RBFOX1: variants seen among roughly 807,000 people sequenced by gnomAD.
RBFOX1 encodes RNA binding fox-1 homolog 1.
A neutral mutation model predicts 57.7 loss-of-function variants in RBFOX1; 8 were observed. The ratio of observed to expected loss-of-function variants is 0.14; its 90% CI spans 0.08 to 0.25. The LOEUF (loss-of-function observed/expected upper bound fraction) is 0.25. Ranked by LOEUF, RBFOX1 falls within the 10% of genes least tolerant of loss-of-function variation. The pLI is 1.00. For synonymous variants in RBFOX1, 326 were observed against 222.4 expected (o/e 1.47, Z -4.15); for missense variants, 611 against 548.5 (o/e 1.11, Z -1.14).
At chr16:5,752,571 A>G (rs2053248073) in intron 3 of RBFOX1, among the ~76,000 whole-genome samples, 1 of 152,210 alleles carries the variant, frequency 6.6e-6, no homozygotes, top group South Asian at 2.1e-4. Context: ...TTCATGGGCC[A>G]TAGGATCTTA....
At chr16:7,118,066 T>G (rs541565217) in intron 4 of RBFOX1, among the ~76,000 whole-genome samples, 2 of 152,298 alleles carry the variant, frequency 1.3e-5, no homozygotes, top group South Asian at 4.1e-4. Context: ...TTTTATACAG[T>G]GACTTGTATT....
chr16:6,803,582 GTAAAA>G (rs1372915711), intron 3 of RBFOX1, among the ~76,000 whole-genome samples: 1 of 152,116 alleles, frequency 6.6e-6, no homozygotes, highest in African/African-American at 2.4e-5. Context: ...ATGTATGGTG[GTAAAA>G]TAAAGTAACT....
At position 7,710,802 on chromosome 16, in the gene RBFOX1, G is replaced by A. The variant is rs775753239; in HGVS notation, c.*57G>A. 2 of 1,418,442 alleles carry A rather than the reference G, an allele frequency of 1.4e-6. No individual in the cohort carries two copies. The highest frequency in any genetic ancestry group is 3.0e-5 in the African/African-American group (2 of 66,538). The allele number at this position is 1,418,442 out of a possible 1,614,324, so 87.9% of individuals were successfully genotyped here. ...GGAGAAAGGAAGCTTTCCGAGGCCT[G>A]AGTATTGCAATACATGCAGTAGTAC... On this transcript the variant is annotated 3_prime_UTR_variant, in exon 16 of 16. Coordinates refer to ENST00000550418, the MANE Select transcript of RBFOX1 (RefSeq NM_018723.4).
intron 1 of RBFOX1, among the ~76,000 whole-genome samples, chr16:6,096,590 G>T (rs2096247669): frequency 2.0e-5 from 3 of 152,052 alleles, no homozygotes; most frequent in Non-Finnish European, 4.4e-5. Flanking sequence ...CTGGATCTTT[G>T]GTTTGGAAGT....
At chr16:7,236,210 T>C (rs1467743626) in intron 4 of RBFOX1, among the ~76,000 whole-genome samples, 3 of 152,194 alleles carry the variant, frequency 2.0e-5, no homozygotes, top group Non-Finnish European at 4.4e-5. Context: ...AAAGTAAATA[T>C]TCAAGAGTTA....
intron 4 of RBFOX1, among the ~76,000 whole-genome samples, chr16:7,312,875 C>T (rs191734887): frequency 1.3e-5 from 2 of 149,040 alleles, no homozygotes; most frequent in East Asian, 2.0e-4. Flanking sequence ...AAGTGTAGAT[C>T]GTCACCCAGG....
At chr16:6,922,421 T>C (rs1309248943) in intron 3 of RBFOX1, among the ~76,000 whole-genome samples, 3 of 152,362 alleles carry the variant, frequency 2.0e-5, no homozygotes, top group East Asian at 1.9e-4. Flanking sequence ...TTTTGCTCTC[T>C]GCAGTGAGCA....
At chr16:6,896,213 T>C (rs972585753) in intron 3 of RBFOX1, among the ~76,000 whole-genome samples, 9 of 152,158 alleles carry the variant, frequency 5.9e-5, no homozygotes, top group African/African-American at 2.2e-4. Flanking sequence ...GCGAAGGTTG[T>C]AGTGAGCAGA....
At chr16:6,956,906 A>T (rs1460819705) in intron 3 of RBFOX1, among the ~76,000 whole-genome samples, 1 of 152,118 alleles carries the variant, frequency 6.6e-6, no homozygotes, top group Admixed American at 6.5e-5. Flanking sequence ...TAGTTGTGTT[A>T]CCAGGAAGGG....
At chr16:7,010,105 G>A (rs1023929823) in intron 3 of RBFOX1, among the ~76,000 whole-genome samples, 1 of 152,202 alleles carries the variant, frequency 6.6e-6, no homozygotes, top group Admixed American at 6.5e-5. Context: ...TTGCCTAAGG[G>A]CATGAACTCT....
intron 4 of RBFOX1, among the ~76,000 whole-genome samples, chr16:7,274,161 C>A (rs904626679): frequency 6.6e-6 from 1 of 152,188 alleles, no homozygotes; most frequent in African/African-American, 2.4e-5. Flanking sequence ...AGGTTTCTCT[C>A]TGCGTTCTTT....
chr16:6,423,225 C>A (rs2093826145), intron 2 of RBFOX1, among the ~76,000 whole-genome samples: 1 of 152,200 alleles, frequency 6.6e-6, no homozygotes, highest in Admixed American at 6.5e-5. Context: ...ATCTGACCAA[C>A]ATTTTGTTCG....
chr16:5,878,612 G>A (rs986460641), intron 4 of RBFOX1, among the ~76,000 whole-genome samples: 7 of 152,108 alleles, frequency 4.6e-5, no homozygotes, highest in South Asian at 4.1e-4. Context: ...GAGAAACTTC[G>A]TGACTATGCC....
chr16:7,575,200 T>C (rs2093209694), intron 5 of RBFOX1, among the ~76,000 whole-genome samples: 1 of 152,092 alleles, frequency 6.6e-6, no homozygotes, highest in African/African-American at 2.4e-5. Flanking sequence ...AGTGGCACGA[T>C]CTCGGCTCAT....
At chr16:5,659,727 ATAAGT>A (rs2049584145) in intron 3 of RBFOX1, among the ~76,000 whole-genome samples, 1 of 152,192 alleles carries the variant, frequency 6.6e-6, no homozygotes, top group Admixed American at 6.5e-5. Context: ...ACTCTAACTG[ATAAGT>A]TAAAGAGTTT....
At chr16:6,915,743 G>C (rs1437085022) in intron 3 of RBFOX1, among the ~76,000 whole-genome samples, 3 of 151,874 alleles carry the variant, frequency 2.0e-5, no homozygotes, top group Admixed American at 1.3e-4. Flanking sequence ...GTAGAGACAG[G>C]GTTTTGCCAT....
intron 11 of RBFOX1, among the ~76,000 whole-genome samples, chr16:7,638,618 A>T (rs116797844): frequency 6.6e-6 from 1 of 151,936 alleles, no homozygotes; most frequent in African/African-American, 2.4e-5. Flanking sequence ...ATTATTCTGT[A>T]AAAGGCTGGA....
At chr16:7,374,683 C>G (rs2097650983) in intron 4 of RBFOX1, among the ~76,000 whole-genome samples, 1 of 152,092 alleles carries the variant, frequency 6.6e-6, no homozygotes, top group Non-Finnish European at 1.5e-5. Flanking sequence ...CTAGAAATAC[C>G]TAAACATTCC....
intron 4 of RBFOX1, among the ~76,000 whole-genome samples, chr16:5,966,531 C>G (rs150042620): frequency 6.0e-4 from 92 of 152,336 alleles, no homozygotes; most frequent in Non-Finnish European, 9.8e-4. Flanking sequence ...GTTCTCGGCT[C>G]ACTGCAATCT....
Sources: allele counts gnomAD v4.1 joint callset (sites outside exome capture counted in the v4.1 genomes callset), GRCh38; gene constraint gnomAD v4.1.1; transcripts MANE v1.5; gene names NCBI Gene and HGNC (gene_info 2026-07-23, HGNC 2026-07-21).